CLDN10: variants seen among roughly 807,000 people sequenced by gnomAD.
CLDN10 encodes claudin 10, also known as claudin-10.
CLDN10 carries 15 observed loss-of-function variants against 22.9 expected under a neutral mutation model. The observed-to-expected ratio is 0.65, with a 90% CI of 0.44 to 1.01. CLDN10 has a LOEUF of 1.01. Ranked by LOEUF, CLDN10 falls within the 50% of genes least tolerant of loss-of-function variation. The probability of loss-of-function intolerance (pLI) is 0.00; values close to 1 mark genes in which losing one functional copy is unlikely to be tolerated. For missense variants in CLDN10, 247 were observed against 287.8 expected (o/e 0.86, Z 1.03); for synonymous variants, 114 against 111.4 (o/e 1.02, Z -0.15).
At chr13:95,522,579 A>T (rs2043234368) in intron 1 of CLDN10, among the ~76,000 whole-genome samples, 1 of 152,104 alleles carries the variant, frequency 6.6e-6, no homozygotes, top group African/African-American at 2.4e-5. Context: ...ATGTATAGCC[A>T]TCCAGAAGGT....
chr13:95,533,991 C>G (rs1391502362), intron 1 of CLDN10: 1 of 152,220 alleles, frequency 6.6e-6, no homozygotes, highest in Non-Finnish European at 1.5e-5. Flanking sequence ...TGCTCCCTGA[C>G]CCAGAGCAGA....
Position 95,578,044 on chromosome 13 carries a change from T to A in CLDN10, c.*30T>A. Reference sequence around the variant, plus strand: ...GCTCGCTGGCAAGCTGCCTCTTGAGTTTGTTATAAAAGCGAACTGTTCACA... The same window carrying A: ...GCTCGCTGGCAAGCTGCCTCTTGAGATTGTTATAAAAGCGAACTGTTCACA... On this transcript the variant is annotated 3_prime_UTR_variant, in exon 5 of 5. Coordinates refer to ENST00000299339, the MANE Select transcript of CLDN10 (RefSeq NM_006984.5). The A allele has an allele frequency of 7.3e-7, 1 of 1,370,076 alleles. No homozygotes were observed. The highest frequency in any genetic ancestry group is 1.8e-5 in the Admixed American group (1 of 56,764). 84.9% of individuals were successfully genotyped at this position (1,370,076 alleles called of 1,614,324 possible).
chr13:95,536,183 G>GAAA (rs34043263), intron 1 of CLDN10, among the ~76,000 whole-genome samples: 176 of 148,710 alleles, frequency 1.2e-3, no homozygotes, highest in African/African-American at 2.9e-3. Flanking sequence ...TCCTAAATTT[G>GAAA]AAAAAAAAAA....
intron 1 of CLDN10, among the ~76,000 whole-genome samples, chr13:95,442,603 G>C (rs1253973310): frequency 6.6e-6 from 1 of 152,164 alleles, no homozygotes; most frequent in African/African-American, 2.4e-5. Context: ...CCCCCTTTGG[G>C]CTCCACAGGG....
At chr13:95,446,175 T>G (rs542839985) in intron 1 of CLDN10, among the ~76,000 whole-genome samples, 1 of 152,164 alleles carries the variant, frequency 6.6e-6, no homozygotes, top group East Asian at 1.9e-4. Flanking sequence ...CACAGAGACC[T>G]GGCTAGAAGT....
chr13:95,522,286 T>C lies in CLDN10; in HGVS notation c.215-37846T>C, dbSNP rs910148656. ...GTTATAACTTTCCTCTAAATACTGCTTCACTTGCATTCCACAAGTTTTAAT... is the reference window on the plus strand; with the variant it reads ...GTTATAACTTTCCTCTAAATACTGCCTCACTTGCATTCCACAAGTTTTAAT... On this transcript the variant is annotated intron_variant, in intron 1 of 4. Transcript: ENST00000376873. 7.2e-5 allele frequency among the ~76,000 whole-genome samples: 11 copies of C among 152,062 alleles called. No homozygotes were observed. In the East Asian group the frequency reaches 2.1e-3, roughly 29 times the overall value.
chr13:95,513,240 A>G (rs1430183911), intron 1 of CLDN10, among the ~76,000 whole-genome samples: 2 of 152,178 alleles, frequency 1.3e-5, no homozygotes, highest in Non-Finnish European at 2.9e-5. Flanking sequence ...TGGCCCTTAG[A>G]ATCCATAGTC....
intron 3 of CLDN10, among the ~76,000 whole-genome samples, chr13:95,566,888 C>T (rs956471508): frequency 2.1e-4 from 32 of 152,126 alleles, no homozygotes; most frequent in African/African-American, 7.5e-4. Flanking sequence ...ATTCATTCCC[C>T]ATTTCTTGTT....
intron 1 of CLDN10, among the ~76,000 whole-genome samples, chr13:95,458,729 C>T (rs1233321412): frequency 6.6e-6 from 1 of 152,140 alleles, no homozygotes; most frequent in African/African-American, 2.4e-5. Flanking sequence ...CACAGCCAAA[C>T]CACATCATTC....
intron 1 of CLDN10, among the ~76,000 whole-genome samples, chr13:95,468,226 T>G (rs1352019430): frequency 7.4e-6 from 1 of 134,620 alleles, no homozygotes; most frequent in African/African-American, 3.2e-5. Context: ...TGTTTTTGTT[T>G]GTTTGTTTGT....
chr13:95,571,757 T>G (rs1225647428), intron 3 of CLDN10, among the ~76,000 whole-genome samples: 1 of 152,222 alleles, frequency 6.6e-6, no homozygotes, highest in East Asian at 1.9e-4. Context: ...AGAAAAAGTT[T>G]TATGTTAGAC....
chr13:95,495,409 T>G (rs11843974), intron 1 of CLDN10, among the ~76,000 whole-genome samples: 53,099 of 151,482 alleles, frequency 0.35, 10,214 homozygotes, highest in South Asian at 0.44. Flanking sequence ...CTTGGTCAAC[T>G]GAGCCTTTTA....
chr13:95,500,946 G>A (rs1233833547), intron 1 of CLDN10, among the ~76,000 whole-genome samples: 6 of 151,934 alleles, frequency 3.9e-5, no homozygotes, highest in Admixed American at 6.6e-5. Flanking sequence ...GAGAGGGCGC[G>A]GCATGTAAGG....
intron 1 of CLDN10, among the ~76,000 whole-genome samples, chr13:95,505,166 A>G (rs1338368238): frequency 6.6e-6 from 1 of 152,228 alleles, no homozygotes; most frequent in Non-Finnish European, 1.5e-5. Context: ...TCCTTGGGAT[A>G]ATTCTAACAC....
At chr13:95,535,989 A>G (rs1488294448) in intron 1 of CLDN10, among the ~76,000 whole-genome samples, 1 of 152,174 alleles carries the variant, frequency 6.6e-6, no homozygotes, top group South Asian at 2.1e-4. Flanking sequence ...ACTTTTGCCT[A>G]TGGTGTTTCA....
chr13:95,434,612 A>C (rs1485087812), intron 1 of CLDN10, among the ~76,000 whole-genome samples: 1 of 146,734 alleles, frequency 6.8e-6, no homozygotes. Flanking sequence ...ATCTATATGA[A>C]TATATATACA....
intron 1 of CLDN10, among the ~76,000 whole-genome samples, chr13:95,523,072 T>C (rs1175319205): frequency 2.0e-5 from 3 of 152,066 alleles, no homozygotes; most frequent in Admixed American, 2.0e-4. Context: ...AATTTGTATT[T>C]AAGTTTACTA....
chr13:95,455,385 T>C (rs1219682626), intron 1 of CLDN10, among the ~76,000 whole-genome samples: 1 of 152,242 alleles, frequency 6.6e-6, no homozygotes, highest in Non-Finnish European at 1.5e-5. Flanking sequence ...TTGTTCATGG[T>C]TTATTTCTTT....
chr13:95,510,894 A>G (rs923479581), intron 1 of CLDN10, among the ~76,000 whole-genome samples: 5 of 152,158 alleles, frequency 3.3e-5, no homozygotes, highest in African/African-American at 1.2e-4. Flanking sequence ...CTACCTTGCT[A>G]TGTGAGACAA....
Sources: allele counts gnomAD v4.1 joint callset (sites outside exome capture counted in the v4.1 genomes callset), GRCh38; gene constraint gnomAD v4.1.1; transcripts MANE v1.5; gene names NCBI Gene and HGNC (gene_info 2026-07-23, HGNC 2026-07-21).